DENND5A: variants seen among roughly 807,000 people sequenced by gnomAD.
DENND5A encodes the protein DENN domain containing 5A, also known as DENN domain-containing protein 5A.
In DENND5A, 64 loss-of-function variants were observed where a neutral mutation model predicts 140.3. The ratio of observed to expected loss-of-function variants is 0.46; its 90% CI spans 0.37 to 0.56. DENND5A has a LOEUF of 0.56. Among genes scored for constraint, DENND5A ranks in the 20% least tolerant of loss-of-function variants. The probability of loss-of-function intolerance (pLI) is 0.00; values close to 1 mark genes in which losing one functional copy is unlikely to be tolerated. For missense variants in DENND5A, 1,292 were observed against 1,593.8 expected (o/e 0.81, Z 3.22); for synonymous variants, 605 against 607.7 (o/e 1.00, Z 0.07).
intron 7 of DENND5A, among the ~76,000 whole-genome samples, 172 bp downstream of exon 7, chr11:9,178,686 A>G (rs1263674020): frequency 6.6e-6 from 1 of 152,210 alleles, no homozygotes; most frequent in Non-Finnish European, 1.5e-5. Context: ...AATAATCAGC[A>G]CATCTATTCA....
rs576683483 is a variant in DENND5A at position 9,224,400 on chromosome 11, C to T, written c.110-16768G>A. On this transcript the variant is annotated intron_variant, in intron 1 of 22. Coordinates refer to ENST00000328194, the MANE Select transcript of DENND5A (RefSeq NM_015213.4). Reference sequence around the variant, plus strand: ...CTGCCAACATTCCTAGTCTCACCTCCCAACACCTGCTTTCTCCCTCTAATA... The same window carrying T: ...CTGCCAACATTCCTAGTCTCACCTCTCAACACCTGCTTTCTCCCTCTAATA... 4.6e-5 allele frequency among the ~76,000 whole-genome samples: 7 copies of T among 152,284 alleles called. No individual in the cohort carries two copies. In the South Asian group the frequency reaches 1.2e-3, roughly 27 times the overall value.
In DENND5A at chr11:9,165,825, C is replaced by T. The variant is rs1848170355; in HGVS notation, c.2283+11G>A. The T allele has an allele frequency of 6.2e-7, 1 of 1,613,682 alleles. No individual in the cohort carries two copies. The highest frequency in any genetic ancestry group is 8.5e-7 in the Non-Finnish European group (1 of 1,179,782). Reference sequence around the variant, plus strand: ...AGAAATAGCACACATACAGAGATGTCCACAGCTTACCTTATTGCGGCATTC... The same window carrying T: ...AGAAATAGCACACATACAGAGATGTTCACAGCTTACCTTATTGCGGCATTC... On this transcript the variant is annotated intron_variant, in intron 11 of 22. Coordinates refer to ENST00000328194, the MANE Select transcript of DENND5A (RefSeq NM_015213.4).
intron 1 of DENND5A, among the ~76,000 whole-genome samples, chr11:9,215,548 T>TTG (rs1158714176): frequency 2.4e-5 from 2 of 83,896 alleles, no homozygotes; most frequent in African/African-American, 9.9e-5. Context: ...CAATCCTGTG[T>TTG]TCTTTTTTTT....
chr11:9,200,911 C>T (rs931879125), intron 4 of DENND5A, among the ~76,000 whole-genome samples: 1 of 152,084 alleles, frequency 6.6e-6, no homozygotes, highest in South Asian at 2.1e-4. Context: ...CCTTATATAC[C>T]AGCCACAGTT....
chr11:9,233,355 C>T (rs368743608), intron 1 of DENND5A, among the ~76,000 whole-genome samples: 35 of 148,448 alleles, frequency 2.4e-4, no homozygotes, highest in East Asian at 1.4e-3. Flanking sequence ...GCTGAGATCG[C>T]GCCATTGCAC....
chr11:9,204,345 G>C (rs1431926590), intron 3 of DENND5A, 28 bp from the exon 4 acceptor site: 1 of 1,593,002 alleles, frequency 6.3e-7, no homozygotes, highest in Admixed American at 1.7e-5. Context: ...GCAACAAGCA[G>C]TGAGAACACT....
chr11:9,150,203 G>C lies in DENND5A; in HGVS notation c.2613C>G (p.Ile871Met). Residue 871 changes from isoleucine to methionine, a missense_variant, in exon 15 of 23, where the codon ATC (isoleucine) becomes ATG (methionine). Ile to Met is a conservative substitution (Grantham distance 10). Around this residue, in one of 4 missense-constraint regions of DENND5A, gnomAD observed 498 missense variants for 689.7 expected, o/e 0.72. Transcript: ENST00000328194. ...CAGTCTTGATTTCCCCGATGTTCTG[G>C]ATGTGCCTGGAGGAAGAATGTAAAA... ...RISLIQDMRH[I>M]QNIGEIKTDV... 1 of 1,613,636 alleles carries C rather than the reference G, an allele frequency of 6.2e-7. No homozygotes were observed. Among genetic ancestry groups the C allele is most frequent in the Non-Finnish European group, 8.5e-7 (1 of 1,179,688 alleles).
At chr11:9,151,726 A>T (rs1847621754) in intron 13 of DENND5A, among the ~76,000 whole-genome samples, 1 of 152,234 alleles carries the variant, frequency 6.6e-6, no homozygotes, top group South Asian at 2.1e-4. Context: ...GATGGTCTAA[A>T]CATCAGAGCA....
In DENND5A at chr11:9,192,350, C is replaced by T. The variant is rs770356886; in HGVS notation, c.1137+1144G>A. On this transcript the variant is annotated intron_variant, in intron 5 of 22. Coordinates refer to ENST00000328194, the MANE Select transcript of DENND5A (RefSeq NM_015213.4). ...ATATACAAAAATCTCTACCCCCGGCCGGGCGCGGTGGCTCACGCCTGTAAT... is the reference window on the plus strand; with the variant it reads ...ATATACAAAAATCTCTACCCCCGGCTGGGCGCGGTGGCTCACGCCTGTAAT... Among the ~76,000 whole-genome samples, 14 of 152,294 alleles carry T rather than the reference C, an allele frequency of 9.2e-5. 1 individual carries two copies. The East Asian group carries it at 1.4e-3, about 15-fold the overall frequency.
At chr11:9,149,052 C>CACT (rs1692968260) in intron 15 of DENND5A, among the ~76,000 whole-genome samples, 1 of 152,210 alleles carries the variant, frequency 6.6e-6, no homozygotes, top group South Asian at 2.1e-4. Flanking sequence ...GTAAAGGGGG[C>CACT]ACTACATGGT....
intron 15 of DENND5A, among the ~76,000 whole-genome samples, chr11:9,148,416 A>C (rs1368648765): frequency 6.6e-6 from 1 of 152,198 alleles, no homozygotes; most frequent in African/African-American, 2.4e-5. Flanking sequence ...TCTGCCCAGT[A>C]AGTAAGGGGT....
At chr11:9,161,964 C>T (rs1179448840) in intron 11 of DENND5A, among the ~76,000 whole-genome samples, 1 of 150,782 alleles carries the variant, frequency 6.6e-6, no homozygotes, top group African/African-American at 2.4e-5. Context: ...AATGAAACAG[C>T]AAAGTAGCAA....
At position 9,139,936 on chromosome 11, in the gene DENND5A, A is replaced by T. The variant is rs917523077; in HGVS notation, c.3681-82T>A. Reference sequence around the variant, plus strand: ...AGCGTTAGTGCAAGGCCAAGGGGGAAACCATGAACTAAGTCTGAAGCTGGA... The same window carrying T: ...AGCGTTAGTGCAAGGCCAAGGGGGATACCATGAACTAAGTCTGAAGCTGGA... On this transcript the variant is annotated intron_variant, in intron 22 of 22. Transcript: ENST00000328194. 33 of 1,373,134 alleles carry T rather than the reference A, an allele frequency of 2.4e-5. 1 individual carries two copies. The African/African-American group carries it at 4.3e-4, about 18-fold the overall frequency. 85.1% of individuals were successfully genotyped at this position (1,373,134 alleles called of 1,614,324 possible).
Position 9,144,097 on chromosome 11 carries a change from T to C in DENND5A, c.3304A>G (p.Lys1102Glu), listed in dbSNP as rs760988805. The change falls in exon 19 of 23, where the codon AAG becomes GAG. Residue 1102 changes from lysine to glutamate, a missense_variant and splice_region_variant. Coordinates refer to ENST00000328194, the MANE Select transcript of DENND5A (RefSeq NM_015213.4). Reference sequence around the variant, plus strand: ...GGGCCCAACCCCTCCTCCCACTTACTGGGCTTGTTGTTGGGTGAGATGGTA... The same window carrying C: ...GGGCCCAACCCCTCCTCCCACTTACCGGGCTTGTTGTTGGGTGAGATGGTA... ...LVTISPNNKPKLNTGQIQESI... is the reference protein window; with the variant it reads ...LVTISPNNKPELNTGQIQESI... 2 of 1,612,510 alleles carry C rather than the reference T, an allele frequency of 1.2e-6. No individual in the cohort carries two copies. The highest frequency in any genetic ancestry group is 1.3e-5 in the African/African-American group (1 of 74,866).
intron 1 of DENND5A, among the ~76,000 whole-genome samples, chr11:9,253,515 C>CTGAGGG (rs1305954131): frequency 4.4e-4 from 67 of 152,126 alleles, no homozygotes; most frequent in African/African-American, 7.2e-5. Context: ...ATAATCCCAG[C>CTGAGGG]ACTTTGGGAG....
intron 12 of DENND5A, among the ~76,000 whole-genome samples, chr11:9,156,541 T>C (rs577752251): frequency 1.0e-3 from 151 of 151,258 alleles, no homozygotes; most frequent in Middle Eastern, 6.9e-3. Context: ...GCAGGGGAAC[T>C]GCTTGAACCA....
chr11:9,215,822 T>C lies in DENND5A; in HGVS notation c.110-8190A>G, dbSNP rs369096395. Among the ~76,000 whole-genome samples the C allele has an allele frequency of 3.3e-5, 5 of 152,162 alleles. No homozygotes were observed. The East Asian group carries it at 5.8e-4, about 18-fold the overall frequency. On this transcript the variant is annotated intron_variant, in intron 1 of 22. Transcript: ENST00000328194. ...GCCTCAGCCTCCCAAAGTGCTGGGA[T>C]TACAAGCGTGAGCCACCGCGCCTGG...
At chr11:9,240,714 C>CA (rs1375414337) in intron 1 of DENND5A, among the ~76,000 whole-genome samples, 4 of 148,974 alleles carry the variant, frequency 2.7e-5, no homozygotes, top group African/African-American at 5.0e-5. Flanking sequence ...TGTCTCAAAA[C>CA]AAAAAAAAAG....
chr11:9,228,629 G>A (rs1051568559), intron 1 of DENND5A, among the ~76,000 whole-genome samples: 1 of 151,256 alleles, frequency 6.6e-6, no homozygotes, highest in African/African-American at 2.4e-5. Flanking sequence ...TGCGGCAGAA[G>A]AATCACTTGA....
Sources: allele counts gnomAD v4.1 joint callset (sites outside exome capture counted in the v4.1 genomes callset), GRCh38; gene constraint gnomAD v4.1.1; regional missense constraint gnomAD v4.1.1; transcripts MANE v1.5; gene names NCBI Gene and HGNC (gene_info 2026-07-23, HGNC 2026-07-21).